DACH1: variants seen among roughly 807,000 people sequenced by gnomAD.
The protein encoded by DACH1 is dachshund family transcription factor 1, also known as dachshund homolog 1.
In DACH1, 12 loss-of-function variants were observed where a neutral mutation model predicts 54.2. The ratio of observed to expected loss-of-function variants is 0.22; its 90% confidence interval spans 0.14 to 0.36. DACH1 has a LOEUF of 0.36. DACH1 is among the 10% of genes least tolerant of loss of function. DACH1 has a pLI of 1.00. For missense variants in DACH1, 805 were observed against 929.8 expected, an observed-to-expected ratio of 0.87 and a Z score of 1.75; for synonymous variants, 386 against 366.2, an observed-to-expected ratio of 1.05 and a Z score of -0.62.
At chr13:71,552,832 T>C (rs1261144750) in intron 6 of DACH1, among the ~76,000 whole-genome samples, 1 of 38,822 alleles carries the variant, frequency 2.6e-5, no homozygotes, top group African/African-American at 1.1e-4. Context: ...TATATATATA[T>C]ATATATATAT....
intron 1 of DACH1, among the ~76,000 whole-genome samples, chr13:71,726,642 C>T (rs1424947871): frequency 6.6e-6 from 1 of 151,896 alleles, no homozygotes; most frequent in Non-Finnish European, 1.5e-5. Context: ...TTTTAGTATA[C>T]AAGTCTCCTT....
intron 6 of DACH1, among the ~76,000 whole-genome samples, chr13:71,534,595 G>A (rs2138314252): frequency 6.6e-6 from 1 of 151,224 alleles, no homozygotes; most frequent in South Asian, 2.1e-4. Context: ...TGTAACTATG[G>A]GGAAGGAAAA....
At chr13:71,793,775 C>G (rs541541829) in intron 1 of DACH1, among the ~76,000 whole-genome samples, 5 of 152,168 alleles carry the variant, frequency 3.3e-5, no homozygotes, top group African/African-American at 1.2e-4. Context: ...GATCCTCCCA[C>G]CTCAGCCTCC....
intron 2 of DACH1, among the ~76,000 whole-genome samples, chr13:71,657,506 G>GA (rs916115810): frequency 8.5e-5 from 12 of 140,444 alleles, no homozygotes; most frequent in Admixed American, 2.2e-4. Context: ...GTCTCAAGAA[G>GA]AAAAAAAGTT....
intron 3 of DACH1, among the ~76,000 whole-genome samples, chr13:71,575,532 T>G (rs1885475074): frequency 6.6e-6 from 1 of 152,048 alleles, no homozygotes; most frequent in African/African-American, 2.4e-5. Context: ...TTCACTCATA[T>G]CAGTAGAGAT....
intron 1 of DACH1, among the ~76,000 whole-genome samples, chr13:71,843,126 A>C (rs1485211257): frequency 6.6e-6 from 1 of 152,084 alleles, no homozygotes; most frequent in Non-Finnish European, 1.5e-5. Flanking sequence ...TGTATACGTT[A>C]CATGTTTTGA....
chr13:71,578,521 A>G (rs1266367940), intron 3 of DACH1, among the ~76,000 whole-genome samples: 1 of 152,176 alleles, frequency 6.6e-6, no homozygotes, highest in Non-Finnish European at 1.5e-5. Context: ...ACTATTTTGC[A>G]TGAGTTGCGG....
chr13:71,545,201 T>C (rs1883381946), intron 6 of DACH1, among the ~76,000 whole-genome samples: 1 of 152,076 alleles, frequency 6.6e-6, no homozygotes, highest in African/African-American at 2.4e-5. Context: ...AGTTCGAAAT[T>C]TTAACCAGGA....
At chr13:71,781,704 A>G (rs1886391509) in intron 1 of DACH1, among the ~76,000 whole-genome samples, 3 of 152,092 alleles carry the variant, frequency 2.0e-5, no homozygotes, top group Admixed American at 2.0e-4. Context: ...GGATTCTTAG[A>G]CGACCTAACA....
At chr13:71,606,768 A>G (rs1386007883) in intron 3 of DACH1, among the ~76,000 whole-genome samples, 1 of 152,064 alleles carries the variant, frequency 6.6e-6, no homozygotes, top group Non-Finnish European at 1.5e-5. Context: ...GAGGGAATAA[A>G]ATAGCTATTC....
Position 71,735,420 on chromosome 13 carries a change from GGGATATACACGTATAC to G in DACH1, c.849-53526_849-53511del, listed in dbSNP as rs1268427822. Among the ~76,000 whole-genome samples, 8 of 32,992 alleles carry G rather than the reference GGGATATACACGTATAC, an allele frequency of 2.4e-4. 1 individual carries two copies. The highest frequency in any genetic ancestry group is 3.8e-4 in the African/African-American group (5 of 13,196). The allele number at this position is 32,992 out of a possible 152,430, so 21.6% of individuals were successfully genotyped here. A position where few individuals can be genotyped will look rare whatever the true frequency, so the allele number is the denominator to read the frequency against. On this transcript the variant is annotated intron_variant, in intron 1 of 10. Transcript: ENST00000613252. Reference sequence around the variant, plus strand: ...ACGTATACGGGATATACACGTATATGGGATATACACGTATACGGATATACGTGTATATGGGATATAC... The same window carrying G: ...ACGTATACGGGATATACACGTATATGGGATATACGTGTATATGGGATATAC...
intron 3 of DACH1, among the ~76,000 whole-genome samples, chr13:71,589,339 C>T (rs1366123772): frequency 3.3e-5 from 5 of 151,796 alleles, no homozygotes; most frequent in African/African-American, 9.7e-5. Context: ...CTTTAAGTAT[C>T]CCTAAAACTG....
At chr13:71,865,475 T>A (rs2138305756) in intron 1 of DACH1, among the ~76,000 whole-genome samples, 1 of 152,108 alleles carries the variant, frequency 6.6e-6, no homozygotes, top group East Asian at 2.0e-4. Flanking sequence ...GCGCCACAGA[T>A]CAGCCCTGTC....
chr13:71,463,914 C>T (rs1006369818), intron 10 of DACH1, among the ~76,000 whole-genome samples: 1 of 151,860 alleles, frequency 6.6e-6, no homozygotes, highest in Non-Finnish European at 1.5e-5. Flanking sequence ...TTCCAAGGCA[C>T]GGCTCTTGGT....
rs1242963123 is a variant in DACH1, at chr13:71,733,089, A to G, written c.849-51179T>C. ...CCTTAAAAAAAAATGGTATTCATAA[A>G]TGGTGAAAAACAATACATCATAAGT... On this transcript the variant is annotated intron_variant, in intron 1 of 10. Coordinates refer to ENST00000613252, the MANE Select transcript of DACH1 (RefSeq NM_080759.6). Among the ~76,000 whole-genome samples, 6 of 152,222 alleles carry G rather than the reference A, an allele frequency of 3.9e-5. 1 individual carries two copies. Among genetic ancestry groups the G allele is most frequent in the Admixed American group, 3.9e-4 (6 of 15,276 alleles).
intron 3 of DACH1, among the ~76,000 whole-genome samples, chr13:71,593,718 T>G (rs891050384): frequency 3.9e-5 from 6 of 152,046 alleles, no homozygotes; most frequent in Admixed American, 3.3e-4. Context: ...ATCCTTAACT[T>G]AAGAGATTTT....
chr13:71,699,984 T>G (rs909236576), intron 1 of DACH1, among the ~76,000 whole-genome samples: 20 of 152,202 alleles, frequency 1.3e-4, no homozygotes, highest in African/African-American at 4.8e-4. Flanking sequence ...AACAGTTAAT[T>G]ACACGTTTTA....
In DACH1 at chr13:71,737,727, G is replaced by T. The variant is rs1166043867; in HGVS notation, c.849-55817C>A. Among the ~76,000 whole-genome samples, 18 of 152,146 alleles carry T rather than the reference G, an allele frequency of 1.2e-4. 1 individual carries two copies. Among genetic ancestry groups the T allele is most frequent in the Admixed American group, 1.2e-3 (18 of 15,268 alleles). ...ATTTAGAAGATTCATTTGTCCTAAAGTCTATCATGTCCCAAACTACATCAG... is the reference window on the plus strand; with the variant it reads ...ATTTAGAAGATTCATTTGTCCTAAATTCTATCATGTCCCAAACTACATCAG... On this transcript the variant is annotated intron_variant, in intron 1 of 10. Transcript: ENST00000613252.
At chr13:71,573,698 T>C (rs991209338) in intron 3 of DACH1, 3 of 453,430 alleles carry the variant, frequency 6.6e-6, no homozygotes, top group Admixed American at 7.7e-5. Context: ...TCTAGGGAAA[T>C]AAGCCGAGGT....
Sources: gnomAD v4.1 joint callset for allele counts (sites outside exome capture counted in the v4.1 genomes callset) on GRCh38, gnomAD v4.1.1 for gene constraint, MANE v1.5 for transcripts, NCBI Gene and HGNC (gene_info 2026-07-23, HGNC 2026-07-21) for gene names.